The following ZNF420 variants were observed in gnomAD, a reference collection of about 807,000 sequenced individuals.
The protein encoded by ZNF420 is ATM and p53-associated KZNF protein.
ZNF420 carries 31 observed loss-of-function variants against 44.7 expected under a neutral mutation model. The ratio of observed to expected loss-of-function variants is 0.69; its 90% CI spans 0.52 to 0.94. The LOEUF (loss-of-function observed/expected upper bound fraction) is 0.94, where lower values mean the gene tolerates loss of function less well. Among genes scored for constraint, ZNF420 ranks in the 40% least tolerant of loss-of-function variants. The pLI, the probability that ZNF420 is intolerant of heterozygous loss-of-function variation, is 0.00. For synonymous variants in ZNF420, 245 were observed against 267.4 expected (o/e 0.92, Z 0.82); for missense variants, 681 against 827.9 (o/e 0.82, Z 2.18).
chr19:37,056,081 ACT>A (rs143616579), intron 1 of ZNF420, among the ~76,000 whole-genome samples: 1,990 of 143,544 alleles, frequency 0.014, 45 homozygotes, highest in African/African-American at 0.049. Flanking sequence ...TCTGTCTCTC[ACT>A]CTCTGTCTCT....
Position 37,025,766 on chromosome 19 carries a change from CTGTCTTTT to C in ZNF420, c.-125+17686_-125+17693del, listed in dbSNP as rs1967145089. On this transcript the variant is annotated intron_variant, in intron 1 of 4. Transcript: ENST00000587029. The stretch of plus-strand genomic sequence containing the variant: ...TTAATTTATGCATAGATTTTTAAAC[CTGTCTTTT>C]TTTTTTTTTTTTTTTTTTAAGAGAC... Among the ~76,000 whole-genome samples the C allele has an allele frequency of 6.1e-5, 8 of 130,338 alleles. No homozygotes were observed. The Admixed American group carries it at 6.6e-4, about 11-fold the overall frequency. 85.5% of individuals were successfully genotyped at this position (130,338 alleles called of 152,430 possible). A position where few individuals can be genotyped will look rare whatever the true frequency, so the allele number is the denominator to read the frequency against.
At chr19:37,078,948 A>C (rs1159779998) in intron 1 of ZNF420, among the ~76,000 whole-genome samples, 1 of 151,944 alleles carries the variant, frequency 6.6e-6, no homozygotes, top group African/African-American at 2.4e-5. Flanking sequence ...CGTGGGATGG[A>C]TTTGCCAGTA....
At chr19:37,074,214 T>A (rs1482818835), upstream of ZNF420, among the ~76,000 whole-genome samples, 1 of 152,196 alleles carries the variant, frequency 6.6e-6, no homozygotes, top group Non-Finnish European at 1.5e-5. Context: ...TTTTTTACCA[T>A]GAAGAAATCA....
intron 1 of ZNF420, among the ~76,000 whole-genome samples, chr19:37,064,583 T>C (rs1967933721): frequency 6.6e-6 from 1 of 152,156 alleles, no homozygotes; most frequent in African/African-American, 2.4e-5. Context: ...TAGTAAAATA[T>C]ATATTTTATG....
chr19:37,061,964 T>C (rs1967886574), intron 1 of ZNF420, among the ~76,000 whole-genome samples: 1 of 152,308 alleles, frequency 6.6e-6, no homozygotes. Flanking sequence ...CAAAAAACTT[T>C]CATCTATGTG....
At chr19:37,066,977 A>G (rs1967977571) in intron 1 of ZNF420, among the ~76,000 whole-genome samples, 1 of 152,258 alleles carries the variant, frequency 6.6e-6, no homozygotes, top group African/African-American at 2.4e-5. Context: ...AGTATACCAC[A>G]AACACCCACA....
chr19:37,115,321 G>A (rs988370130), intron 4 of ZNF420, among the ~76,000 whole-genome samples: 3 of 152,170 alleles, frequency 2.0e-5, no homozygotes, highest in South Asian at 2.1e-4. Context: ...GGGGACCGGC[G>A]CTCACCATAC....
At chr19:37,024,998 A>T in intron 1 of ZNF420, 1 of 213,280 alleles carries the variant, frequency 4.7e-6, no homozygotes. Flanking sequence ...GAATACTCTG[A>T]TGTGCTTTAA....
chr19:37,073,329 A>C (rs920567267), intron 1 of ZNF420, among the ~76,000 whole-genome samples: 1 of 152,218 alleles, frequency 6.6e-6, no homozygotes, highest in Non-Finnish European at 1.5e-5. Flanking sequence ...GTGTACTATA[A>C]ATTACTTAAC....
chr19:37,012,132 G>A (rs1461739297), intron 1 of ZNF420, among the ~76,000 whole-genome samples: 1 of 152,086 alleles, frequency 6.6e-6, no homozygotes, highest in Non-Finnish European at 1.5e-5. Context: ...CTCCTCCACC[G>A]GTAGAAGTCG....
chr19:37,046,530 C>T (rs1040075280), intron 1 of ZNF420, among the ~76,000 whole-genome samples: 3 of 151,850 alleles, frequency 2.0e-5, no homozygotes, highest in African/African-American at 7.3e-5. Flanking sequence ...CATATATATG[C>T]AATAAAACAA....
At chr19:37,068,207 T>C (rs1968000952) in intron 1 of ZNF420, among the ~76,000 whole-genome samples, 1 of 151,906 alleles carries the variant, frequency 6.6e-6, no homozygotes, top group South Asian at 2.1e-4. Flanking sequence ...AGTACTAAAA[T>C]AATATAAATA....
intron 1 of ZNF420, among the ~76,000 whole-genome samples, chr19:37,015,310 G>T (rs1269807099): frequency 1.3e-5 from 2 of 152,200 alleles, no homozygotes; most frequent in African/African-American, 4.8e-5. Flanking sequence ...CCTCGGAGAA[G>T]TGGGGGGCTG....
chr19:37,114,359 G>A (rs949254920), intron 4 of ZNF420, among the ~76,000 whole-genome samples: 1 of 152,142 alleles, frequency 6.6e-6, no homozygotes, highest in Non-Finnish European at 1.5e-5. Context: ...ACTGGCGGTT[G>A]GGTCTTATTT....
intron 4 of ZNF420, among the ~76,000 whole-genome samples, chr19:37,123,779 G>T (rs1390288237): frequency 6.6e-6 from 1 of 151,112 alleles, no homozygotes; most frequent in African/African-American, 2.4e-5. Flanking sequence ...ATTTGTGTGT[G>T]TGTATTTTTA....
At chr19:37,040,955 G>C (rs771886020) in intron 1 of ZNF420, among the ~76,000 whole-genome samples, 1 of 151,600 alleles carries the variant, frequency 6.6e-6, no homozygotes, top group Non-Finnish European at 1.5e-5. Flanking sequence ...TCAGCTTTAT[G>C]ATGCAGACTT....
At position 37,129,705 on chromosome 19, in the gene ZNF420, G is replaced by A. The variant is rs1300548375; in HGVS notation, c.*647G>A. The A allele has an allele frequency of 8.8e-6, 1 of 113,284 alleles. No individual in the cohort carries two copies. Among genetic ancestry groups the A allele is most frequent in the Non-Finnish European group, 1.7e-5 (1 of 57,668 alleles). 7.0% of individuals were successfully genotyped at this position (113,284 alleles called of 1,614,324 possible). On this transcript the variant is annotated 3_prime_UTR_variant, in exon 5 of 5. Transcript: ENST00000337995. ...ATTGCTATAAGAGGAAATTCATACT[G>A]TTAAAAAAAAAAAAACCCAGTGGAT...
intron 4 of ZNF420, among the ~76,000 whole-genome samples, chr19:37,099,697 C>T (rs1969656776): frequency 6.6e-6 from 1 of 152,178 alleles, no homozygotes; most frequent in South Asian, 2.1e-4. Flanking sequence ...AATCTCGGCT[C>T]ACTACAACCT....
At chr19:37,013,413 C>T (rs1304134559) in intron 1 of ZNF420, among the ~76,000 whole-genome samples, 1 of 152,328 alleles carries the variant, frequency 6.6e-6, no homozygotes, top group East Asian at 1.9e-4. Context: ...CGATCACAAT[C>T]ACTCCGTGGC....
Sources: gnomAD v4.1 joint callset for allele counts (sites outside exome capture counted in the v4.1 genomes callset) on GRCh38, gnomAD v4.1.1 for gene constraint, MANE v1.5 for transcripts, NCBI Gene and HGNC (gene_info 2026-07-23, HGNC 2026-07-21) for gene names.